The following RFX4 variants were observed in gnomAD, a reference collection of about 807,000 sequenced individuals.
The protein encoded by RFX4 is transcription factor RFX4.
In RFX4, 10 loss-of-function variants were observed where a neutral mutation model predicts 95.0. The observed-to-expected ratio is 0.11, with a 90% CI of 0.06 to 0.18. The LOEUF is 0.18. RFX4 is among the 10% of genes least tolerant of loss of function. The pLI, the probability that RFX4 is intolerant of heterozygous loss-of-function variation, is 1.00. For synonymous variants in RFX4, 321 were observed against 340.7 expected (o/e 0.94, Z 0.64); for missense variants, 640 against 922.0 (o/e 0.69, Z 3.96).
At chr12:106,673,491 A>T (rs1445678586) in intron 4 of RFX4, among the ~76,000 whole-genome samples, 1 of 152,238 alleles carries the variant, frequency 6.6e-6, no homozygotes, top group African/African-American at 2.4e-5. Context: ...CCCACTTTAT[A>T]GATGAAGAAC....
At chr12:106,726,494 A>G (rs1381548111) in intron 13 of RFX4, among the ~76,000 whole-genome samples, 1 of 152,204 alleles carries the variant, frequency 6.6e-6, no homozygotes, top group Non-Finnish European at 1.5e-5. Context: ...TATTAAATCC[A>G]AACTATGAAT....
chr12:106,727,383 T>C (rs1331525127), intron 13 of RFX4, among the ~76,000 whole-genome samples: 2 of 152,166 alleles, frequency 1.3e-5, no homozygotes, highest in South Asian at 2.1e-4. Flanking sequence ...TCACACTTAA[T>C]GGCGAAATGT....
At position 106,761,582 on chromosome 12, in the gene RFX4, A is replaced by C; in HGVS notation, c.*113A>C. On this transcript the variant is annotated 3_prime_UTR_variant, in exon 18 of 18. Transcript: ENST00000392842. ...CTCTATACATTGTAACTCATGGGCT[A>C]TTCCTAAGTGCCCATTTTCCTAATG... The C allele has an allele frequency of 2.7e-6, 2 of 739,792 alleles. No individual in the cohort carries two copies. Among genetic ancestry groups the C allele is most frequent in the Non-Finnish European group, 3.6e-6 (2 of 557,194 alleles). The allele number at this position is 739,792 out of a possible 1,614,324, so 45.8% of individuals were successfully genotyped here.
rs550963925 is a variant in RFX4, at chr12:106,682,125, C to T, written c.377+71C>T. The T allele has an allele frequency of 1.3e-5, 19 of 1,491,592 alleles. No individual in the cohort carries two copies. In the African/African-American group the frequency reaches 1.9e-4, roughly 15 times the overall value. The allele number at this position is 1,491,592 out of a possible 1,614,324, so 92.4% of individuals were successfully genotyped here. On this transcript the variant is annotated intron_variant, in intron 5 of 17. Coordinates refer to ENST00000392842, the MANE Select transcript of RFX4 (RefSeq NM_213594.3). ...GCCTCGAGACAGGCCACACCCTTGG[C>T]TCTTTATCCTGAGCTCTGTCTGCAG...
chr12:106,672,270 C>A (rs1359517885), intron 4 of RFX4, among the ~76,000 whole-genome samples: 2 of 152,138 alleles, frequency 1.3e-5, no homozygotes, highest in African/African-American at 4.8e-5. Flanking sequence ...TGGCCACCAC[C>A]ACCTAAAGAA....
At chr12:106,712,490 T>C (rs985794924) in intron 10 of RFX4, among the ~76,000 whole-genome samples, 1 of 152,160 alleles carries the variant, frequency 6.6e-6, no homozygotes, top group African/African-American at 2.4e-5. Flanking sequence ...TTTAAGGTGC[T>C]GTTGGTTCTG....
intron 2 of RFX4, among the ~76,000 whole-genome samples, chr12:106,629,025 C>A (rs1317162662): frequency 6.6e-6 from 1 of 152,128 alleles, no homozygotes; most frequent in Non-Finnish European, 1.5e-5. Context: ...TCCCAAAGTG[C>A]TGGAATTACA....
intron 11 of RFX4, among the ~76,000 whole-genome samples, chr12:106,717,605 G>T (rs1317264311): frequency 6.6e-6 from 1 of 152,222 alleles, no homozygotes; most frequent in Non-Finnish European, 1.5e-5. Flanking sequence ...CCTGTCCTAA[G>T]TCAGGTACTG....
intron 8 of RFX4, among the ~76,000 whole-genome samples, chr12:106,706,442 T>A (rs2042087865): frequency 6.6e-6 from 1 of 152,148 alleles, no homozygotes; most frequent in Non-Finnish European, 1.5e-5. Flanking sequence ...GACGGCAGCC[T>A]GAACTAGGGA....
chr12:106,756,929 C>T (rs575770672), intron 17 of RFX4, among the ~76,000 whole-genome samples: 35 of 152,284 alleles, frequency 2.3e-4, no homozygotes, highest in East Asian at 2.1e-3. Flanking sequence ...TGGCCTAGCA[C>T]CGAACTTGGC....
In RFX4 at chr12:106,645,999, T is replaced by A. The variant is rs1405206852; in HGVS notation, c.191+6607T>A. ...ATTTCTCAGGGAATGAGATGCTGTG[T>A]TGTGGAACCACAACTTTTTTTAAAA... is the stretch of plus-strand genomic sequence containing the variant. On this transcript the variant is annotated intron_variant, in intron 3 of 17. Coordinates refer to ENST00000392842, the MANE Select transcript of RFX4 (RefSeq NM_213594.3). The A allele has an allele frequency of 2.5e-6, 3 of 1,219,034 alleles. No homozygotes were observed. The African/African-American group carries it at 4.7e-5, about 19-fold the overall frequency. 75.5% of individuals were successfully genotyped at this position (1,219,034 alleles called of 1,614,324 possible).
At chr12:106,585,779 G>A (rs1383716890) in intron 1 of RFX4, 1 of 152,194 alleles carries the variant, frequency 6.6e-6, no homozygotes, top group Admixed American at 6.5e-5. Flanking sequence ...GCAAGTGCTG[G>A]GGCGAAGTAG....
chr12:106,648,821 G>T (rs1401935407), intron 3 of RFX4, among the ~76,000 whole-genome samples: 1 of 151,906 alleles, frequency 6.6e-6, no homozygotes, highest in Non-Finnish European at 1.5e-5. Flanking sequence ...AGAAATCACA[G>T]GTTTAAAATG....
At position 106,589,225 on chromosome 12, in the gene RFX4, T is replaced by A. The variant is rs185162697; in HGVS notation, c.43+5862T>A. On this transcript the variant is annotated intron_variant, in intron 1 of 17. Coordinates refer to ENST00000392842, the MANE Select transcript of RFX4 (RefSeq NM_213594.3). ...GGAGGTATCAGGTAAAAGTGAAGTT[T>A]AAAAAAAGAAGAAAATAGACTACTT... is the stretch of plus-strand genomic sequence containing the variant. 8.9e-3 allele frequency among the ~76,000 whole-genome samples: 1,359 copies of A among 152,266 alleles called. 14 individuals are homozygous for A. Among genetic ancestry groups the A allele is most frequent in the African/African-American group, 0.021 (885 of 41,558 alleles).
chr12:106,672,396 A>G lies in RFX4; in HGVS notation c.316-9597A>G, dbSNP rs371567402. ...GCTGAAAGAGAGAAGGGTGGGATTC[A>G]TGAGTAATTAAAGGGAATTTGGAAG... is the stretch of plus-strand genomic sequence containing the variant. On this transcript the variant is annotated intron_variant, in intron 4 of 17. Coordinates refer to ENST00000392842, the MANE Select transcript of RFX4 (RefSeq NM_213594.3). Among the ~76,000 whole-genome samples, 3 of 152,196 alleles carry G rather than the reference A, an allele frequency of 2.0e-5. No homozygotes were observed. In the East Asian group the frequency reaches 5.8e-4, roughly 29 times the overall value.
chr12:106,709,575 TAAATATATTTAATCCTCATA>T, intron 9 of RFX4, 145 bp downstream of exon 9: 1 of 584,866 alleles, frequency 1.7e-6, no homozygotes, highest in South Asian at 2.5e-5. Flanking sequence ...TTTACATATG[TAAATATATTTAATCCTCATA>T]AAATGTTTAT....
At chr12:106,696,632 C>A (rs1592951211) in intron 8 of RFX4, among the ~76,000 whole-genome samples, 186 bp downstream of exon 8, 1 of 151,984 alleles carries the variant, frequency 6.6e-6, no homozygotes, top group Middle Eastern at 3.4e-3. Context: ...ATATTTTGAA[C>A]CATTTGTGTG....
chr12:106,735,967 AG>A (rs1458957110), intron 15 of RFX4, among the ~76,000 whole-genome samples: 1 of 152,178 alleles, frequency 6.6e-6, no homozygotes, highest in Non-Finnish European at 1.5e-5. Flanking sequence ...TATGGAGTGG[AG>A]GGCTTGGTCA....
rs1555234143 is a variant in RFX4, at chr12:106,720,380, G to GTATA, written c.1233+329_1233+330insATAT. 1.4e-4 allele frequency among the ~76,000 whole-genome samples: 21 copies of GTATA among 151,658 alleles called. No individual in the cohort carries two copies. Among genetic ancestry groups the GTATA allele is most frequent in the African/African-American group, 4.8e-4 (20 of 41,394 alleles). ...CCATAAGCCTTCCTGTCATTTTTCT[G>GTATA]TATTTATTTATTTATTTTTGAGACA... On this transcript the variant is annotated intron_variant, in intron 12 of 17. Transcript: ENST00000392842. The surrounding 1 kb of genome is among the most constrained non-coding windows in gnomAD (Gnocchi z 4.2).
Sources: gnomAD v4.1 joint callset for allele counts (sites outside exome capture counted in the v4.1 genomes callset) on GRCh38, gnomAD v4.1.1 for gene constraint, Gnocchi (gnomAD v3.1) non-coding constraint, MANE v1.5 for transcripts, NCBI Gene and HGNC (gene_info 2026-07-23, HGNC 2026-07-21) for gene names.